Variants in RANBP17 observed in about 807,000 individuals in gnomAD.
RANBP17 encodes ran-binding protein 17.
Under a neutral mutation model 141.2 loss-of-function variants are expected in RANBP17, and 158 were observed. The observed-to-expected ratio is 1.12, with a 90% CI of 0.98 to 1.28. The LOEUF (loss-of-function observed/expected upper bound fraction) is 1.28. Among genes scored for constraint, RANBP17 ranks in the 50% most tolerant of loss-of-function variants. RANBP17 has a pLI of 0.00. For synonymous variants in RANBP17, 430 were observed against 450.0 expected (o/e 0.96, Z 0.56); for missense variants, 1,438 against 1,290.7 (o/e 1.11, Z -1.75).
chr5:171,042,596 C>T (rs561123115), intron 14 of RANBP17, among the ~76,000 whole-genome samples: 1 of 152,250 alleles, frequency 6.6e-6, no homozygotes, highest in East Asian at 1.9e-4. Context: ...TGATTGGGAA[C>T]ATCAAGAATA....
chr5:171,075,817 G>A (rs1784882096), intron 14 of RANBP17, among the ~76,000 whole-genome samples: 1 of 152,114 alleles, frequency 6.6e-6, no homozygotes, highest in Non-Finnish European at 1.5e-5. Flanking sequence ...GCTGGGCATG[G>A]TGACACACAC....
intron 14 of RANBP17, among the ~76,000 whole-genome samples, chr5:171,148,937 C>T (rs1000888345): frequency 1.3e-5 from 2 of 152,296 alleles, no homozygotes; most frequent in East Asian, 3.9e-4. Context: ...AATGAGCACT[C>T]AGTAAACGAT....
At chr5:170,942,782 TTAAAATG>T (rs1418354510) in intron 12 of RANBP17, among the ~76,000 whole-genome samples, 1 of 152,176 alleles carries the variant, frequency 6.6e-6, no homozygotes, top group Non-Finnish European at 1.5e-5. Flanking sequence ...AATTATTACA[TTAAAATG>T]TAAACAGATT....
chr5:171,208,249 A>G lies in RANBP17; in HGVS notation c.2231+2637A>G, dbSNP rs551390694. 9.8e-5 allele frequency among the ~76,000 whole-genome samples: 15 copies of G among 152,368 alleles called. No individual in the cohort carries two copies. In the East Asian group the frequency reaches 2.1e-3, roughly 22 times the overall value. On this transcript the variant is annotated intron_variant, in intron 20 of 27. Coordinates refer to ENST00000523189, the MANE Select transcript of RANBP17 (RefSeq NM_022897.5). ...AGCTATTTAATTCAAAAACATTTCTATAAACACTGACTGCATTAACTGCCA... is the reference window on the plus strand; with the variant it reads ...AGCTATTTAATTCAAAAACATTTCTGTAAACACTGACTGCATTAACTGCCA...
At chr5:170,955,681 T>TATATATATACACAC (rs769742239) in intron 13 of RANBP17, among the ~76,000 whole-genome samples, 2 of 39,064 alleles carry the variant, frequency 5.1e-5, no homozygotes, top group Admixed American at 6.5e-4. Context: ...TATATATATA[T>TATATATATACACAC]ACACTGAATG....
intron 12 of RANBP17, among the ~76,000 whole-genome samples, chr5:170,925,230 C>T (rs1186084729): frequency 6.6e-6 from 1 of 152,032 alleles, no homozygotes; most frequent in Non-Finnish European, 1.5e-5. Flanking sequence ...AAATTTACTT[C>T]CAGTGATTTC....
chr5:171,221,825 A>C lies in RANBP17; in HGVS notation c.2407A>C (p.Met803Leu). ...GILLFREASK[M>L]VCTYGNQILS... The stretch of plus-strand genomic sequence containing the variant: ...TCTTCTCTTCAGAGAAGCTAGTAAA[A>C]TGGTTTGCACTTATGGTGAGTGTCC... The change falls in exon 22 of 28, where the codon ATG becomes CTG. Residue 803 changes from methionine to leucine, a missense_variant. Met to Leu is a conservative substitution (Grantham distance 15). Coordinates refer to ENST00000523189, the MANE Select transcript of RANBP17 (RefSeq NM_022897.5). The C allele has an allele frequency of 1.9e-6, 3 of 1,602,390 alleles. No homozygotes were observed. The highest frequency in any genetic ancestry group is 2.6e-6 in the Non-Finnish European group (3 of 1,169,902).
Position 170,950,911 on chromosome 5 carries a change from C to T in RANBP17, c.1469-2686C>T, listed in dbSNP as rs115232312. Among the ~76,000 whole-genome samples, 601 of 152,072 alleles carry T rather than the reference C, an allele frequency of 4.0e-3. 7 individuals carry two copies. Among genetic ancestry groups the T allele is most frequent in the African/African-American group, 0.014 (574 of 41,504 alleles). Reference sequence around the variant, plus strand: ...GTTAGGCCATAAGAAAGAATGAAATCGTGTCATTTGCAGCAACATAGGTGG... The same window carrying T: ...GTTAGGCCATAAGAAAGAATGAAATTGTGTCATTTGCAGCAACATAGGTGG... On this transcript the variant is annotated intron_variant, in intron 12 of 27. Transcript: ENST00000523189.
intron 25 of RANBP17, chr5:171,271,075 C>CCTTT (rs1767076411): frequency 3.9e-3 from 107 of 27,564 alleles, no homozygotes; most frequent in Admixed American, 0.014. Flanking sequence ...TATGTTATTT[C>CCTTT]TTTTTTTTTT....
rs77939179 is a variant in RANBP17, at chr5:170,870,117, A to T, written c.19-7980A>T. Among the ~76,000 whole-genome samples, 753 of 152,296 alleles carry T rather than the reference A, an allele frequency of 4.9e-3. 5 individuals are homozygous for T. Among genetic ancestry groups the T allele is most frequent in the Non-Finnish European group, 5.7e-3 (390 of 68,028 alleles). On this transcript the variant is annotated intron_variant, in intron 1 of 27. Transcript: ENST00000523189. The stretch of plus-strand genomic sequence containing the variant: ...CCGAGTATTATCAGTTCTAAAATTC[A>T]GTCCTCCAAATTTATTAGATGAAGG...
chr5:170,879,365 A>G (rs1317323517), intron 2 of RANBP17, among the ~76,000 whole-genome samples: 1 of 152,124 alleles, frequency 6.6e-6, no homozygotes, highest in Non-Finnish European at 1.5e-5. Context: ...GCACAGTTAA[A>G]TGGATTTTAT....
chr5:170,946,893 T>C (rs1016508898), intron 12 of RANBP17, among the ~76,000 whole-genome samples: 1 of 152,208 alleles, frequency 6.6e-6, no homozygotes, highest in Non-Finnish European at 1.5e-5. Context: ...ATTAAAAACA[T>C]ACTTGTTTAC....
intron 14 of RANBP17, among the ~76,000 whole-genome samples, chr5:171,140,698 G>A (rs960248715): frequency 6.6e-6 from 1 of 152,184 alleles, no homozygotes; most frequent in Non-Finnish European, 1.5e-5. Context: ...AACTTTTATT[G>A]TGGTGGTAGT....
At chr5:171,221,424 CTGGGG>C (rs1763548909) in intron 21 of RANBP17, among the ~76,000 whole-genome samples, 1 of 152,032 alleles carries the variant, frequency 6.6e-6, no homozygotes, top group Non-Finnish European at 1.5e-5. Context: ...ACTTAGACAC[CTGGGG>C]TGTTTTATTA....
intron 19 of RANBP17, among the ~76,000 whole-genome samples, chr5:171,200,730 A>C (rs1452487702): frequency 2.0e-5 from 3 of 152,238 alleles, no homozygotes; most frequent in African/African-American, 7.2e-5. Context: ...TAAGAAGCCA[A>C]ATAGAAAAAT....
intron 25 of RANBP17, among the ~76,000 whole-genome samples, chr5:171,270,798 T>C (rs1767051820): frequency 6.6e-6 from 1 of 152,158 alleles, no homozygotes; most frequent in Non-Finnish European, 1.5e-5. Context: ...AGAATTCCAG[T>C]TAAAACTAAT....
In RANBP17 at chr5:170,910,977, CAAACCTTT is replaced by C. The variant is rs1354934401; in HGVS notation, c.607_614del (p.Pro203SerfsTer19). On this transcript the variant is annotated frameshift_variant, in exon 7 of 28. Coordinates refer to ENST00000523189, the MANE Select transcript of RANBP17 (RefSeq NM_022897.5). LOFTEE classifies it high-confidence loss of function. The stretch of plus-strand genomic sequence containing the variant: ...TTTTGTACTTTTTTCAGGTGTTTGC[CAAACCTTT>C]AAATCTTCAGGATCAATGTCAGCAA... 6.2e-7 allele frequency: 1 copy of C among 1,610,056 alleles called. No individual in the cohort carries two copies. Among genetic ancestry groups the C allele is most frequent in the East Asian group, 2.2e-5 (1 of 44,806 alleles).
rs149686119 is a variant in RANBP17, at chr5:171,193,280, A to G, written c.2039-6390A>G. Among the ~76,000 whole-genome samples the G allele has an allele frequency of 4.0e-3, 612 of 152,348 alleles. 4 individuals are homozygous for G. Among genetic ancestry groups the G allele is most frequent in the African/African-American group, 0.014 (589 of 41,580 alleles). The stretch of plus-strand genomic sequence containing the variant: ...ATAAATTGAATATGTCTTGTATATA[A>G]GCCATGCACATTGCAGTGATTAGAA... On this transcript the variant is annotated intron_variant, in intron 18 of 27. Transcript: ENST00000523189.
In RANBP17 at chr5:171,242,780, G is replaced by A; in HGVS notation, c.2736G>A (p.Met912Ile). ...FIINLEPPVL[M>I]YVLTSISEGL... Reference sequence around the variant, plus strand: ...TCAACTTAGAGCCTCCTGTACTCATGTATGTTCTCACATCTATCTCAGAGG... The same window carrying A: ...TCAACTTAGAGCCTCCTGTACTCATATATGTTCTCACATCTATCTCAGAGG... The change falls in exon 24 of 28, where the codon ATG becomes ATA. Residue 912 changes from methionine to isoleucine, a missense_variant. Transcript: ENST00000523189. 6.2e-7 allele frequency: 1 copy of A among 1,613,622 alleles called. No homozygotes were observed. The highest frequency in any genetic ancestry group is 2.2e-5 in the East Asian group (1 of 44,836).
Sources: allele counts gnomAD v4.1 joint callset (sites outside exome capture counted in the v4.1 genomes callset), GRCh38; gene constraint gnomAD v4.1.1; transcripts MANE v1.5; gene names NCBI Gene and HGNC (gene_info 2026-07-23, HGNC 2026-07-21).